RNF217: variants seen among roughly 807,000 people sequenced by gnomAD.
The protein encoded by RNF217 is ring finger protein 217.
Under a neutral mutation model 57.8 loss-of-function variants are expected in RNF217, and 31 were observed. The observed-to-expected ratio is 0.54, with a 90% CI of 0.40 to 0.72. The LOEUF is 0.72. Among genes scored for constraint, RNF217 ranks in the 30% least tolerant of loss-of-function variants. RNF217 has a pLI of 0.00. For missense variants in RNF217, 696 were observed against 708.3 expected (o/e 0.98, Z 0.20); for synonymous variants, 313 against 294.0 (o/e 1.06, Z -0.66).
intron 1 of RNF217, among the ~76,000 whole-genome samples, chr6:125,044,287 T>G (rs1213322051): frequency 1.3e-5 from 2 of 152,080 alleles, no homozygotes; most frequent in Non-Finnish European, 2.9e-5. Flanking sequence ...CAAAAGAGAT[T>G]GTAATGCCAT....
intron 1 of RNF217, chr6:124,983,499 C>A (rs1344854630): frequency 2.0e-6 from 2 of 983,690 alleles, no homozygotes; most frequent in Non-Finnish European, 2.4e-6. Flanking sequence ...ATGAAAAGGA[C>A]CTTACAGGTT....
chr6:125,006,195 G>A (rs1785172463), intron 1 of RNF217: 2 of 152,144 alleles, frequency 1.3e-5, no homozygotes, highest in South Asian at 4.1e-4. Flanking sequence ...ATCCCTTTAT[G>A]TTGGAGATGT....
In RNF217 at chr6:125,082,966, G is replaced by A. The variant is rs777822402; in HGVS notation, c.*29G>A. On this transcript the variant is annotated 3_prime_UTR_variant, in exon 6 of 6. Coordinates refer to ENST00000521654, the MANE Select transcript of RNF217 (RefSeq NM_001286398.3). Reference sequence around the variant, plus strand: ...GCAGATGATTTCATCCAGCTAAGCTGGTTGGAGTAGGAGCGATACCAAAGG... The same window carrying A: ...GCAGATGATTTCATCCAGCTAAGCTAGTTGGAGTAGGAGCGATACCAAAGG... The A allele has an allele frequency of 7.8e-6, 12 of 1,529,568 alleles. No individual in the cohort carries two copies. In the African/African-American group the frequency reaches 1.7e-4, roughly 21 times the overall value. 94.7% of individuals were successfully genotyped at this position (1,529,568 alleles called of 1,614,324 possible). A position where few individuals can be genotyped will look rare whatever the true frequency, so the allele number is the denominator to read the frequency against.
chr6:125,019,606 C>T (rs997252364), intron 1 of RNF217, among the ~76,000 whole-genome samples: 5 of 152,038 alleles, frequency 3.3e-5, no homozygotes, highest in Admixed American at 3.3e-4. Flanking sequence ...TTTTACTCTC[C>T]ACTTGAATTA....
intron 1 of RNF217, among the ~76,000 whole-genome samples, chr6:124,992,966 C>A (rs1296073861): frequency 6.6e-6 from 1 of 151,990 alleles, no homozygotes; most frequent in Non-Finnish European, 1.5e-5. Flanking sequence ...CTAAATTTTC[C>A]AATGTAATAG....
At chr6:125,039,092 C>G (rs1033107493) in intron 1 of RNF217, among the ~76,000 whole-genome samples, 1 of 152,030 alleles carries the variant, frequency 6.6e-6, no homozygotes, top group Non-Finnish European at 1.5e-5. Context: ...TAAGTGAGAA[C>G]ATGTGATGTT....
chr6:125,043,556 A>G (rs1786969809), intron 1 of RNF217, among the ~76,000 whole-genome samples: 1 of 152,068 alleles, frequency 6.6e-6, no homozygotes, highest in African/African-American at 2.4e-5. Context: ...AAGAGGAAAC[A>G]TTTAATCATT....
rs1374550045 is a variant in RNF217, at chr6:125,081,521, C to A, written c.1555+14C>A. 4.4e-6 allele frequency: 7 copies of A among 1,596,010 alleles called. No individual in the cohort carries two copies. The highest frequency in any genetic ancestry group is 6.0e-6 in the Non-Finnish European group (7 of 1,165,040). ...CGGTTGTAATCGGTAAGAAACACTTCATGCATCTGAGATTAGAATTATCTG... is the reference window on the plus strand; with the variant it reads ...CGGTTGTAATCGGTAAGAAACACTTAATGCATCTGAGATTAGAATTATCTG... On this transcript the variant is annotated intron_variant, in intron 5 of 5. Transcript: ENST00000521654.
rs1271816928 is a variant in RNF217, at chr6:125,043,636, A to G, written c.883-1575A>G. Among the ~76,000 whole-genome samples, 3 of 152,094 alleles carry G rather than the reference A, an allele frequency of 2.0e-5. No individual in the cohort carries two copies. In the East Asian group the frequency reaches 5.8e-4, roughly 29 times the overall value. On this transcript the variant is annotated intron_variant, in intron 1 of 5. Transcript: ENST00000521654. ...TGGTTACACAGGGGTTTTTATCTAC[A>G]CAAAAATCTCCTGAGAAGTTTTGTC...
intron 1 of RNF217, among the ~76,000 whole-genome samples, chr6:125,042,061 C>T (rs1438868605): frequency 6.6e-6 from 1 of 152,086 alleles, no homozygotes; most frequent in East Asian, 1.9e-4. Flanking sequence ...AAAAACTGTA[C>T]TTCACTTAAT....
chr6:125,010,061 G>A (rs1785360269), intron 1 of RNF217, among the ~76,000 whole-genome samples: 1 of 151,508 alleles, frequency 6.6e-6, no homozygotes, highest in Admixed American at 6.6e-5. Context: ...CAGAGAAAAG[G>A]GGAAGAGAAG....
intron 1 of RNF217, among the ~76,000 whole-genome samples, chr6:124,999,004 T>C (rs1784865366): frequency 6.6e-6 from 1 of 152,240 alleles, no homozygotes; most frequent in African/African-American, 2.4e-5. Context: ...AATAGATACA[T>C]GTAATTATAC....
intron 1 of RNF217, among the ~76,000 whole-genome samples, chr6:125,022,353 A>G (rs1230010330): frequency 1.3e-5 from 2 of 152,242 alleles, no homozygotes; most frequent in East Asian, 1.9e-4. Flanking sequence ...AGGCAGTAAC[A>G]GTTTTGAAAA....
chr6:124,963,402 C>T lies in RNF217; in HGVS notation c.858C>T (p.Cys286=). 8 of 1,486,402 alleles carry T rather than the reference C, an allele frequency of 5.4e-6. No homozygotes were observed. The Admixed American group carries it at 1.6e-4, about 30-fold the overall frequency. 92.1% of individuals were successfully genotyped at this position (1,486,402 alleles called of 1,614,324 possible). A position where few individuals can be genotyped will look rare whatever the true frequency, so the allele number is the denominator to read the frequency against. The change falls in exon 1 of 6, where the codon TGC becomes TGT. Residue 286 remains cysteine (C), a synonymous_variant. Coordinates refer to ENST00000521654, the MANE Select transcript of RNF217 (RefSeq NM_001286398.3). ...GCAAGAAGGCCGTGTGCGAGGAGTG[C>T]CTCAAAGTCTACCTGAGCGCCCAGG... is the stretch of plus-strand genomic sequence containing the variant. ...PCCKKAVCEE[C]LKVYLSAQVQ...
intron 1 of RNF217, among the ~76,000 whole-genome samples, chr6:125,030,735 A>T (rs1305138333): frequency 1.2e-4 from 19 of 152,086 alleles, no homozygotes; most frequent in East Asian, 7.8e-4. Flanking sequence ...ATGGGCTGGC[A>T]TTGAGTGTCT....
At chr6:125,039,435 C>A (rs1008364582) in intron 1 of RNF217, among the ~76,000 whole-genome samples, 2 of 152,038 alleles carry the variant, frequency 1.3e-5, no homozygotes, top group African/African-American at 4.8e-5. Flanking sequence ...TACAGGAGCA[C>A]CCAGATTCAT....
intron 2 of RNF217, among the ~76,000 whole-genome samples, chr6:125,055,323 G>A (rs1029389955): frequency 2.6e-5 from 4 of 152,136 alleles, no homozygotes; most frequent in Admixed American, 2.6e-4. Flanking sequence ...TGCTGTTGGT[G>A]AGGATTTGCA....
At position 125,085,916 on chromosome 6, in the gene RNF217, G is replaced by C. The variant is rs1229331412; in HGVS notation, c.*2979G>C. On this transcript the variant is annotated 3_prime_UTR_variant, in exon 6 of 6. Transcript: ENST00000521654. ...ATACCTTTCCATAAGCGTTTAAATAGATTTACCTCATTCTTTTATAAATTA... is the reference window on the plus strand; with the variant it reads ...ATACCTTTCCATAAGCGTTTAAATACATTTACCTCATTCTTTTATAAATTA... 1 of 151,820 alleles carries C rather than the reference G, an allele frequency of 6.6e-6. No individual in the cohort carries two copies. Among genetic ancestry groups the C allele is most frequent in the Non-Finnish European group, 1.5e-5 (1 of 67,828 alleles). The allele number at this position is 151,820 out of a possible 1,614,324, so 9.4% of individuals were successfully genotyped here. A position where few individuals can be genotyped will look rare whatever the true frequency, so the allele number is the denominator to read the frequency against.
chr6:125,001,038 A>G (rs529788504), intron 1 of RNF217, among the ~76,000 whole-genome samples: 4 of 152,280 alleles, frequency 2.6e-5, no homozygotes, highest in African/African-American at 9.6e-5. Context: ...CACCAGCTCA[A>G]AGATTATGTT....
Sources: allele counts gnomAD v4.1 joint callset (sites outside exome capture counted in the v4.1 genomes callset), GRCh38; gene constraint gnomAD v4.1.1; transcripts MANE v1.5; gene names NCBI Gene and HGNC (gene_info 2026-07-23, HGNC 2026-07-21).